Variants in KLHL32 observed in about 807,000 individuals in gnomAD.
KLHL32 encodes kelch-like protein 32.
Under a neutral mutation model 64.8 loss-of-function variants are expected in KLHL32, and 35 were observed. The observed-to-expected ratio is 0.54, with a 90% CI of 0.41 to 0.72. The LOEUF is 0.72. Ranked by LOEUF, KLHL32 falls within the 30% of genes least tolerant of loss-of-function variation. KLHL32 has a pLI of 0.00. For synonymous variants in KLHL32, 259 were observed against 281.0 expected (o/e 0.92, Z 0.78); for missense variants, 589 against 768.5 (o/e 0.77, Z 2.76).
chr6:97,085,317 C>A lies in KLHL32; in HGVS notation c.603C>A (p.Ser201=). 6.2e-7 allele frequency: 1 copy of A among 1,612,832 alleles called. No homozygotes were observed. The highest frequency in any genetic ancestry group is 1.1e-5 in the South Asian group (1 of 91,006). The change falls in exon 6 of 11, where the codon TCC becomes TCA. Residue 201 remains serine (S), a synonymous_variant. Transcript: ENST00000369261. ...TGCTGAAGAGCGACCGCCTGACCTCCCTGAGTGAAGAGCAGATCTGGCAGG... is the reference window on the plus strand; with the variant it reads ...TGCTGAAGAGCGACCGCCTGACCTCACTGAGTGAAGAGCAGATCTGGCAGG... ...QEVLKSDRLT[S]LSEEQIWQLA... is the part of the protein sequence containing the mutation.
At chr6:97,049,734 A>T (rs7742032) in intron 4 of KLHL32, among the ~76,000 whole-genome samples, 2 of 152,146 alleles carry the variant, frequency 1.3e-5, no homozygotes, top group Admixed American at 6.5e-5. Flanking sequence ...GAATTTCATC[A>T]GTTACTTTTT....
At chr6:96,978,956 G>C (rs974602689) in intron 3 of KLHL32, among the ~76,000 whole-genome samples, 2 of 152,028 alleles carry the variant, frequency 1.3e-5, no homozygotes, top group African/African-American at 4.8e-5. Flanking sequence ...TTTGAAATGT[G>C]TCTGTTCATG....
intron 3 of KLHL32, among the ~76,000 whole-genome samples, chr6:97,019,488 G>A (rs1781692325): frequency 6.6e-6 from 1 of 152,222 alleles, no homozygotes. Context: ...CTGGATGTGG[G>A]CCACCCCGGT....
intron 3 of KLHL32, among the ~76,000 whole-genome samples, chr6:97,004,703 A>G (rs1315958628): frequency 6.6e-6 from 1 of 152,168 alleles, no homozygotes; most frequent in East Asian, 1.9e-4. Flanking sequence ...TAATTTTATC[A>G]AAAGCCTTTT....
intron 3 of KLHL32, among the ~76,000 whole-genome samples, chr6:96,998,555 G>T: frequency 6.6e-6 from 1 of 152,068 alleles, no homozygotes; most frequent in East Asian, 1.9e-4. Flanking sequence ...AAATAGCAAA[G>T]CATTACCCTG....
intron 3 of KLHL32, among the ~76,000 whole-genome samples, chr6:97,040,564 GC>G (rs1368293376): frequency 6.6e-6 from 1 of 152,110 alleles, no homozygotes; most frequent in Non-Finnish European, 1.5e-5. Flanking sequence ...CTGCATTGGG[GC>G]CCTGAGAGTC....
intron 10 of KLHL32, among the ~76,000 whole-genome samples, chr6:97,134,382 G>A (rs1799768230): frequency 6.6e-6 from 1 of 152,182 alleles, no homozygotes; most frequent in Non-Finnish European, 1.5e-5. Context: ...GCTTCGTCCT[G>A]TCTTTCGGAT....
intron 1 of KLHL32, among the ~76,000 whole-genome samples, chr6:96,937,995 C>T (rs1324040049): frequency 1.3e-5 from 2 of 152,216 alleles, no homozygotes; most frequent in Non-Finnish European, 2.9e-5. Context: ...TAAACACACT[C>T]TCAGGAAATA....
intron 5 of KLHL32, among the ~76,000 whole-genome samples, chr6:97,079,551 G>C (rs1395604135): frequency 6.6e-6 from 1 of 152,210 alleles, no homozygotes; most frequent in Admixed American, 6.5e-5. Context: ...ATTAGGGAAA[G>C]AGGCCACACA....
chr6:97,120,097 A>G (rs1798206616), intron 7 of KLHL32, among the ~76,000 whole-genome samples: 1 of 152,104 alleles, frequency 6.6e-6, no homozygotes. Flanking sequence ...AGCATTTCCC[A>G]GGTACCAGGA....
chr6:96,958,373 G>A (rs1466936193), intron 1 of KLHL32, among the ~76,000 whole-genome samples: 1 of 152,126 alleles, frequency 6.6e-6, no homozygotes, highest in African/African-American at 2.4e-5. Context: ...CCCAGAGGAG[G>A]TGACATCTGA....
the KLHL32 span, among the ~76,000 whole-genome samples, chr6:96,913,448 C>T: frequency 6.6e-6 from 1 of 152,130 alleles, no homozygotes; most frequent in Non-Finnish European, 1.5e-5. Context: ...ATACCTGGCT[C>T]TCAGGGGAAA....
At chr6:96,936,290 A>C (rs1169416786) in intron 1 of KLHL32, among the ~76,000 whole-genome samples, 2 of 152,236 alleles carry the variant, frequency 1.3e-5, no homozygotes, top group African/African-American at 2.4e-5. Flanking sequence ...TTAACTAATG[A>C]ATATATTGGA....
intron 8 of KLHL32, among the ~76,000 whole-genome samples, chr6:97,129,711 G>T (rs1035867390): frequency 6.6e-6 from 1 of 152,040 alleles, no homozygotes; most frequent in Non-Finnish European, 1.5e-5. Context: ...GTGAAACCCC[G>T]TCTTCACTAA....
chr6:97,137,451 T>G (rs933255028), intron 10 of KLHL32, among the ~76,000 whole-genome samples: 1 of 152,218 alleles, frequency 6.6e-6, no homozygotes, highest in South Asian at 2.1e-4. Flanking sequence ...TTCTAGGACT[T>G]CTTAGTAATT....
chr6:97,132,080 G>A lies in KLHL32; in HGVS notation c.1607-573G>A, dbSNP rs113743313. 2.7e-3 allele frequency among the ~76,000 whole-genome samples: 414 copies of A among 152,160 alleles called. 3 individuals carry two copies. The highest frequency in any genetic ancestry group is 9.4e-3 in the African/African-American group (392 of 41,492). On this transcript the variant is annotated intron_variant, in intron 9 of 10. Coordinates refer to ENST00000369261, the MANE Select transcript of KLHL32 (RefSeq NM_052904.4). ...ATCATTTTGGCGTGTCAGCATCTAG[G>A]GATTATCCAGGCTGGTCCCAGCTCA...
At chr6:96,904,026 T>G in the KLHL32 span, among the ~76,000 whole-genome samples, 1 of 152,140 alleles carries the variant, frequency 6.6e-6, no homozygotes. Flanking sequence ...TAGCTAGCTA[T>G]CCTACCCATC....
intron 4 of KLHL32, among the ~76,000 whole-genome samples, chr6:97,064,027 C>A (rs2128153110): frequency 6.6e-6 from 1 of 152,258 alleles, no homozygotes; most frequent in East Asian, 1.9e-4. Flanking sequence ...TCTTTGTATT[C>A]TGAAAATGCT....
chr6:97,020,163 A>G (rs146407309), intron 3 of KLHL32, among the ~76,000 whole-genome samples: 2,368 of 147,348 alleles, frequency 0.016, 97 homozygotes, highest in African/African-American at 0.059. Flanking sequence ...GGCTGGTCTC[A>G]AACTCCTGAC....
Sources: gnomAD v4.1 joint callset for allele counts (sites outside exome capture counted in the v4.1 genomes callset) on GRCh38, gnomAD v4.1.1 for gene constraint, MANE v1.5 for transcripts, NCBI Gene and HGNC (gene_info 2026-07-23, HGNC 2026-07-21) for gene names.